FRMD6: variants seen among roughly 807,000 people sequenced by gnomAD.
The protein encoded by FRMD6 is FERM domain-containing protein 6.
FRMD6 carries 37 observed loss-of-function variants against 73.2 expected under a neutral mutation model. The observed-to-expected ratio is 0.51, with a 90% CI of 0.39 to 0.66. The LOEUF is 0.66. Ranked by LOEUF, FRMD6 falls within the 30% of genes least tolerant of loss-of-function variation. The pLI, the probability that FRMD6 is intolerant of heterozygous loss-of-function variation, is 0.00. For missense variants in FRMD6, 714 were observed against 780.5 expected (o/e 0.91, Z 1.02); for synonymous variants, 273 against 282.2 (o/e 0.97, Z 0.33).
the FRMD6 span, among the ~76,000 whole-genome samples, chr14:51,412,617 C>T: frequency 6.6e-6 from 1 of 151,952 alleles, no homozygotes; most frequent in East Asian, 1.9e-4. Flanking sequence ...TTTGGGAGGC[C>T]GAGGCGGGTG....
intron 2 of FRMD6, among the ~76,000 whole-genome samples, chr14:51,586,527 C>T (rs757835864): frequency 2.0e-4 from 31 of 151,978 alleles, no homozygotes; most frequent in Admixed American, 1.6e-3. Flanking sequence ...TACTGTAGTC[C>T]GTCTACTCTC....
At chr14:51,439,951 C>G in the FRMD6 span, among the ~76,000 whole-genome samples, 1 of 152,096 alleles carries the variant, frequency 6.6e-6, no homozygotes, top group Non-Finnish European at 1.5e-5. Context: ...CTCCCAACAA[C>G]CAACAATTGT....
the FRMD6 span, among the ~76,000 whole-genome samples, chr14:51,480,218 G>A: frequency 6.6e-5 from 10 of 152,166 alleles, no homozygotes; most frequent in African/African-American, 2.4e-4. Flanking sequence ...GCAGAGCAAT[G>A]AAAAACAGCA....
chr14:51,595,061 C>T (rs1242303956), intron 2 of FRMD6, among the ~76,000 whole-genome samples: 1 of 152,144 alleles, frequency 6.6e-6, no homozygotes, highest in African/African-American at 2.4e-5. Flanking sequence ...GTGCTAGACA[C>T]CAAAGGAGGG....
the FRMD6 span, among the ~76,000 whole-genome samples, chr14:51,444,872 G>C: frequency 9.9e-5 from 15 of 152,068 alleles, no homozygotes; most frequent in African/African-American, 2.9e-4. Context: ...TTCCCATCTG[G>C]CCCGAGATGA....
chr14:51,431,746 C>T, the FRMD6 span, among the ~76,000 whole-genome samples: 1 of 152,122 alleles, frequency 6.6e-6, no homozygotes, highest in Non-Finnish European at 1.5e-5. Context: ...AATTTATGAG[C>T]AGTTTAGGGT....
chr14:51,523,485 T>C (rs1885060236), intron 1 of FRMD6, among the ~76,000 whole-genome samples: 1 of 152,202 alleles, frequency 6.6e-6, no homozygotes, highest in African/African-American at 2.4e-5. Flanking sequence ...CTGAGGATTA[T>C]GAACTCAGCT....
the FRMD6 span, among the ~76,000 whole-genome samples, chr14:51,397,982 C>T: frequency 5.3e-5 from 8 of 151,892 alleles, no homozygotes; most frequent in South Asian, 4.2e-4. Flanking sequence ...TTTCAGATAA[C>T]GGGTATTCAA....
chr14:51,566,460 C>A (rs539975710), intron 1 of FRMD6, among the ~76,000 whole-genome samples: 1 of 152,252 alleles, frequency 6.6e-6, no homozygotes, highest in South Asian at 2.1e-4. Flanking sequence ...TTTAAAAATT[C>A]TTTGTAAAAT....
At chr14:51,417,454 T>C in the FRMD6 span, among the ~76,000 whole-genome samples, 2 of 152,246 alleles carry the variant, frequency 1.3e-5, no homozygotes, top group Non-Finnish European at 2.9e-5. Flanking sequence ...GAAAATTCTT[T>C]TCTTTAAGAA....
the FRMD6 span, among the ~76,000 whole-genome samples, chr14:51,413,656 T>A: frequency 2.0e-5 from 3 of 152,340 alleles, no homozygotes; most frequent in East Asian, 5.8e-4. Context: ...TGATTTATAA[T>A]CCTTTGTGTA....
the FRMD6 span, among the ~76,000 whole-genome samples, chr14:51,453,881 T>C: frequency 6.6e-6 from 1 of 152,234 alleles, no homozygotes; most frequent in Non-Finnish European, 1.5e-5. Context: ...GCCATTTTTT[T>C]CCAATTAAAA....
At chr14:51,683,503 G>C (rs568931289) in intron 1 of FRMD6, among the ~76,000 whole-genome samples, 1 of 151,570 alleles carries the variant, frequency 6.6e-6, no homozygotes, top group Non-Finnish European at 1.5e-5. Context: ...TTCCCAGACT[G>C]GTCTCCAACT....
At chr14:51,715,825 A>G (rs2140566410) in intron 10 of FRMD6, among the ~76,000 whole-genome samples, 1 of 152,334 alleles carries the variant, frequency 6.6e-6, no homozygotes, top group East Asian at 1.9e-4. Context: ...GTTTATCTGC[A>G]ACTCAGATTT....
At chr14:51,645,350 A>C (rs761823943) in intron 2 of FRMD6, among the ~76,000 whole-genome samples, 1 of 152,216 alleles carries the variant, frequency 6.6e-6, no homozygotes, top group Non-Finnish European at 1.5e-5. Context: ...CACCATGGAC[A>C]GGTAGGGTGT....
chr14:51,633,244 A>G (rs560980241), intron 2 of FRMD6, among the ~76,000 whole-genome samples: 3 of 152,156 alleles, frequency 2.0e-5, no homozygotes, highest in Non-Finnish European at 2.9e-5. Flanking sequence ...TCTGGAGATT[A>G]AGCCTAGGAG....
chr14:51,712,221 G>C (rs1489944347), intron 8 of FRMD6, among the ~76,000 whole-genome samples: 1 of 152,116 alleles, frequency 6.6e-6, no homozygotes, highest in Non-Finnish European at 1.5e-5. Context: ...TGAGTCCTTT[G>C]GACTTTTTAT....
At chr14:51,476,599 G>C in the FRMD6 span, among the ~76,000 whole-genome samples, 3 of 152,156 alleles carry the variant, frequency 2.0e-5, no homozygotes, top group Non-Finnish European at 4.4e-5. Flanking sequence ...TGAATAGGTG[G>C]AGAGATGCCC....
chr14:51,711,080 A>G (rs944217892), intron 7 of FRMD6, among the ~76,000 whole-genome samples: 1 of 152,170 alleles, frequency 6.6e-6, no homozygotes, highest in African/African-American at 2.4e-5. Flanking sequence ...CCAGTTTTAA[A>G]CATATAAAGT....
Sources: gnomAD v4.1 joint callset for allele counts (sites outside exome capture counted in the v4.1 genomes callset) on GRCh38, gnomAD v4.1.1 for gene constraint, MANE v1.5 for transcripts, NCBI Gene and HGNC (gene_info 2026-07-23, HGNC 2026-07-21) for gene names.